B3GALT1: variants seen among roughly 807,000 people sequenced by gnomAD.
The protein encoded by B3GALT1 is UDP-Gal:betaGlcNAc beta 1,3-galactosyltransferase, polypeptide 1.
In B3GALT1, 10 loss-of-function variants were observed where a neutral mutation model predicts 23.2. The ratio of observed to expected loss-of-function variants is 0.43; its 90% CI spans 0.27 to 0.73. B3GALT1 has a LOEUF of 0.73. Among genes scored for constraint, B3GALT1 ranks in the 30% least tolerant of loss-of-function variants. The pLI is 0.21. For missense variants in B3GALT1, 299 were observed against 405.4 expected (o/e 0.74, Z 2.25); for synonymous variants, 156 against 141.5 (o/e 1.10, Z -0.73).
At chr2:167,715,442 A>G in intron 3 of B3GALT1, 2 of 1,607,762 alleles carry the variant, frequency 1.2e-6, no homozygotes, top group African/African-American at 1.3e-5. Flanking sequence ...AGCATCTTTT[A>G]TTGCTATCGC....
chr2:167,809,697 G>T (rs1054415211), intron 3 of B3GALT1, among the ~76,000 whole-genome samples: 10 of 152,300 alleles, frequency 6.6e-5, no homozygotes, highest in East Asian at 3.9e-4. Flanking sequence ...TGCCCCTACT[G>T]GGGGGTGCCT....
chr2:167,413,456 G>T (rs985110860), intron 1 of B3GALT1, among the ~76,000 whole-genome samples: 1 of 151,900 alleles, frequency 6.6e-6, no homozygotes, highest in South Asian at 2.1e-4. Flanking sequence ...TCAGAAGAGG[G>T]TATGATAAAA....
intron 4 of B3GALT1, among the ~76,000 whole-genome samples, chr2:167,840,738 G>T (rs1264606542): frequency 6.6e-6 from 1 of 150,840 alleles, no homozygotes; most frequent in South Asian, 2.1e-4. Flanking sequence ...TATGTTTATT[G>T]CGGCACTATT....
At chr2:167,776,935 G>A (rs2105315409) in intron 3 of B3GALT1, among the ~76,000 whole-genome samples, 1 of 148,874 alleles carries the variant, frequency 6.7e-6, no homozygotes, top group South Asian at 2.1e-4. Flanking sequence ...TATGTGTGTT[G>A]CTTCTCTGTG....
chr2:167,379,125 T>G (rs1441429431), intron 1 of B3GALT1, among the ~76,000 whole-genome samples: 1 of 152,080 alleles, frequency 6.6e-6, no homozygotes, highest in African/African-American at 2.4e-5. Context: ...CTTACAGTCA[T>G]GGTGGAAGGT....
At chr2:167,396,369 T>A (rs577692756) in intron 1 of B3GALT1, among the ~76,000 whole-genome samples, 107 of 152,112 alleles carry the variant, frequency 7.0e-4, no homozygotes, top group African/African-American at 2.4e-3. Context: ...TAGGAATGCT[T>A]AGTAAATAGA....
intron 3 of B3GALT1, among the ~76,000 whole-genome samples, chr2:167,793,640 T>C (rs548303240): frequency 3.3e-5 from 5 of 152,178 alleles, no homozygotes; most frequent in Non-Finnish European, 7.4e-5. Flanking sequence ...TTCCTCAATA[T>C]AAATAACCCA....
At chr2:167,313,513 G>A (rs1207418158) in intron 1 of B3GALT1, among the ~76,000 whole-genome samples, 2 of 152,058 alleles carry the variant, frequency 1.3e-5, no homozygotes, top group Non-Finnish European at 2.9e-5. Flanking sequence ...CCAGTCCAAG[G>A]GGATTCTACA....
rs535478575 is a variant in B3GALT1, at chr2:167,532,530, C to T, written c.-410+42253C>T. ...CACTTTCATATATTTCTTTACTTCA[C>T]GCTGTTCTCACCTACACACACACTT... On this transcript the variant is annotated intron_variant, in intron 2 of 4. Transcript: ENST00000392690. 5.3e-5 allele frequency among the ~76,000 whole-genome samples: 8 copies of T among 152,000 alleles called. No individual in the cohort carries two copies. The East Asian group carries it at 7.7e-4, about 15-fold the overall frequency.
chr2:167,548,682 G>T (rs1683685770), intron 2 of B3GALT1, among the ~76,000 whole-genome samples: 1 of 127,238 alleles, frequency 7.9e-6, no homozygotes, highest in African/African-American at 3.8e-5. Context: ...AGACGTGTGT[G>T]TGAGTGTGTG....
intron 3 of B3GALT1, among the ~76,000 whole-genome samples, chr2:167,728,453 T>C (rs1192160965): frequency 6.6e-6 from 1 of 152,084 alleles, no homozygotes. Context: ...AAATGACAAT[T>C]AGAGGTACAA....
chr2:167,310,687 A>C (rs1696622479), intron 1 of B3GALT1, among the ~76,000 whole-genome samples: 1 of 151,898 alleles, frequency 6.6e-6, no homozygotes, highest in South Asian at 2.1e-4. Flanking sequence ...AGAATGTAGA[A>C]AGGATTTTAG....
At chr2:167,339,347 A>G (rs1318645739) in intron 1 of B3GALT1, among the ~76,000 whole-genome samples, 10 of 152,008 alleles carry the variant, frequency 6.6e-5, no homozygotes, top group Non-Finnish European at 1.5e-5. Context: ...TAAACATAAT[A>G]CAACAAGAGC....
At position 167,670,232 on chromosome 2, in the gene B3GALT1, C is replaced by G. The variant is rs190835020; in HGVS notation, c.-352+23266C>G. Among the ~76,000 whole-genome samples, 64 of 152,168 alleles carry G rather than the reference C, an allele frequency of 4.2e-4. 1 individual carries two copies. Among genetic ancestry groups the G allele is most frequent in the Admixed American group, 2.7e-3 (41 of 15,288 alleles). ...AACCTGGAACACTTCAGAGCACTAC[C>G]CTAGGAAAAATAAACAGGAGGCTAT... On this transcript the variant is annotated intron_variant, in intron 3 of 4. Transcript: ENST00000392690.
At chr2:167,509,901 A>G (rs1699979429) in intron 2 of B3GALT1, among the ~76,000 whole-genome samples, 1 of 152,156 alleles carries the variant, frequency 6.6e-6, no homozygotes, top group Non-Finnish European at 1.5e-5. Flanking sequence ...GCTGCTGTGT[A>G]GAGAATAAAA....
rs59265622 is a variant in B3GALT1, at chr2:167,805,829, A to G, written c.-351-12843A>G. 8.8e-3 allele frequency among the ~76,000 whole-genome samples: 1,341 copies of G among 152,236 alleles called. 19 individuals are homozygous for G. The highest frequency in any genetic ancestry group is 0.031 in the African/African-American group (1,279 of 41,526). On this transcript the variant is annotated intron_variant, in intron 3 of 4. Coordinates refer to ENST00000392690, the MANE Select transcript of B3GALT1 (RefSeq NM_020981.4). ...AATGCAGGCTCTTTTTTGGTTCCCT[A>G]TGAACTTTAAAGTAGTTTCTTCCAA...
intron 3 of B3GALT1, among the ~76,000 whole-genome samples, chr2:167,814,341 G>T (rs1281314652): frequency 1.3e-5 from 2 of 152,168 alleles, no homozygotes; most frequent in Non-Finnish European, 1.5e-5. Context: ...GCATGGCAGG[G>T]ATAGAAATCC....
chr2:167,774,480 TTTTTG>T (rs1688124636), intron 3 of B3GALT1, among the ~76,000 whole-genome samples: 3 of 121,410 alleles, frequency 2.5e-5, no homozygotes, highest in Non-Finnish European at 4.8e-5. Flanking sequence ...TGGTTTTTTT[TTTTTG>T]TTTTTTTTTT....
At chr2:167,694,994 G>T (rs1327090951) in intron 3 of B3GALT1, among the ~76,000 whole-genome samples, 1 of 152,080 alleles carries the variant, frequency 6.6e-6, no homozygotes, top group Admixed American at 6.6e-5. Flanking sequence ...GACCATTCTG[G>T]ATTGCTCTTG....
Sources: allele counts gnomAD v4.1 joint callset (sites outside exome capture counted in the v4.1 genomes callset), GRCh38; gene constraint gnomAD v4.1.1; transcripts MANE v1.5; gene names NCBI Gene and HGNC (gene_info 2026-07-23, HGNC 2026-07-21).